Variants in AGO2 observed in about 807,000 individuals in gnomAD.
The protein encoded by AGO2 is argonaute RISC catalytic component 2.
AGO2 carries 5 observed loss-of-function variants against 102.3 expected under a neutral mutation model. The observed-to-expected ratio is 0.05, with a 90% CI of 0.03 to 0.10. The LOEUF (loss-of-function observed/expected upper bound fraction) is 0.10, where lower values mean the gene tolerates loss of function less well. Among genes scored for constraint, AGO2 ranks in the 10% least tolerant of loss-of-function variants. The probability of loss-of-function intolerance (pLI) is 1.00; values close to 1 mark genes in which losing one functional copy is unlikely to be tolerated. For missense variants in AGO2, 541 were observed against 1,183.7 expected (o/e 0.46, Z 7.97); for synonymous variants, 449 against 473.1 (o/e 0.95, Z 0.66).
rs916659201 is a variant in AGO2, at chr8:140,540,779, A to G, written c.2034+385T>C. On this transcript the variant is annotated intron_variant, in intron 15 of 18. Coordinates refer to ENST00000220592, the MANE Select transcript of AGO2 (RefSeq NM_012154.5). This position sits in a 1 kb window ranked among gnomAD's most constrained non-coding sequence, Gnocchi z 5.0. ...TCACACTGCAGACAGGCGTCCCCAG[A>G]CGCAATGAGCTCCCCGCCTCGCAGG... Among the ~76,000 whole-genome samples, 1 of 151,978 alleles carries G rather than the reference A, an allele frequency of 6.6e-6. No homozygotes were observed. The highest frequency in any genetic ancestry group is 1.5e-5 in the Non-Finnish European group (1 of 67,996).
intron 2 of AGO2, among the ~76,000 whole-genome samples, chr8:140,581,685 T>G (rs2073559986): frequency 6.6e-6 from 1 of 152,156 alleles, no homozygotes; most frequent in Non-Finnish European, 1.5e-5. Flanking sequence ...CTAAAAGATC[T>G]AGGAAGACCT....
intron 2 of AGO2, among the ~76,000 whole-genome samples, chr8:140,576,181 G>A (rs905195780): frequency 1.3e-5 from 2 of 152,176 alleles, no homozygotes; most frequent in Non-Finnish European, 2.9e-5. Flanking sequence ...GGGTGTAGTG[G>A]TGGGTACCTG....
At chr8:140,552,548 G>A (rs1332932961) in intron 10 of AGO2, among the ~76,000 whole-genome samples, 1 of 152,166 alleles carries the variant, frequency 6.6e-6, no homozygotes, top group Non-Finnish European at 1.5e-5. Flanking sequence ...CAAGCCTGCT[G>A]TAGAAATCAG....
intron 4 of AGO2, among the ~76,000 whole-genome samples, chr8:140,560,997 C>T (rs892102036): frequency 4.6e-5 from 7 of 152,242 alleles, no homozygotes; most frequent in African/African-American, 9.6e-5. Flanking sequence ...CAGCATCTGC[C>T]GGCTCCTTTA....
intron 1 of AGO2, among the ~76,000 whole-genome samples, chr8:140,616,016 G>GCC (rs1476869479): frequency 6.6e-6 from 1 of 152,188 alleles, no homozygotes; most frequent in Non-Finnish European, 1.5e-5. Flanking sequence ...TCATCAGCGA[G>GCC]CCCTAAGCCA....
At chr8:140,536,262 T>G (rs2072694720) in intron 16 of AGO2, among the ~76,000 whole-genome samples, 3 of 152,112 alleles carry the variant, frequency 2.0e-5, no homozygotes, top group African/African-American at 4.8e-5. Context: ...ATGAATGTTT[T>G]CTAGTTGTAC....
At chr8:140,543,616 C>T (rs1382488459) in intron 14 of AGO2, among the ~76,000 whole-genome samples, 1 of 152,168 alleles carries the variant, frequency 6.6e-6, no homozygotes, top group Non-Finnish European at 1.5e-5. Context: ...CCACCACCCC[C>T]AGCTATTTTT....
intron 8 of AGO2, 79 bp from the exon 9 acceptor site, chr8:140,556,365 G>A (rs2073094477): frequency 2.5e-6 from 4 of 1,572,544 alleles, no homozygotes; most frequent in Non-Finnish European, 3.5e-6. Flanking sequence ...TCAGGGGCTG[G>A]TGGCCTGGCT....
intron 1 of AGO2, among the ~76,000 whole-genome samples, chr8:140,615,472 A>T (rs1452319929): frequency 6.6e-6 from 1 of 152,192 alleles, no homozygotes; most frequent in Non-Finnish European, 1.5e-5. Context: ...CTCGCCCGGC[A>T]CACAGCCCGC....
chr8:140,635,986 C>A (rs1588525408), upstream of AGO2, among the ~76,000 whole-genome samples: 1 of 150,308 alleles, frequency 6.7e-6, no homozygotes, highest in Non-Finnish European at 1.5e-5. Context: ...CCGCGTCTTC[C>A]CGACGGGGAG....
Position 140,635,377 on chromosome 8 carries a change from G to T in AGO2, c.22+108C>A, listed in dbSNP as rs1251745411. 7.9e-5 allele frequency: 35 copies of T among 441,950 alleles called. No homozygotes were observed. The South Asian group carries it at 2.3e-3, about 29-fold the overall frequency. The allele number at this position is 441,950 out of a possible 1,614,324, so 27.4% of individuals were successfully genotyped here. ...GCCCGCCCCCGGCCCCCGCCGCCCC[G>T]ACCCCGCGGCCCCCCGATCCCCGGC... On this transcript the variant is annotated intron_variant, in intron 1 of 18. Coordinates refer to ENST00000220592, the MANE Select transcript of AGO2 (RefSeq NM_012154.5).
At chr8:140,533,354 A>C (rs1057328857) in intron 17 of AGO2, among the ~76,000 whole-genome samples, 20 of 148,018 alleles carry the variant, frequency 1.4e-4, no homozygotes, top group African/African-American at 5.0e-4. Context: ...GTGCCACTGC[A>C]CTCCAGCCTA....
At chr8:140,616,694 G>A (rs1371381655) in intron 1 of AGO2, among the ~76,000 whole-genome samples, 3 of 152,340 alleles carry the variant, frequency 2.0e-5, no homozygotes. Context: ...GCCTGGGTGG[G>A]AGTCCAGGGC....
intron 1 of AGO2, among the ~76,000 whole-genome samples, chr8:140,588,499 CAT>C (rs113510232): frequency 0.017 from 2,583 of 150,302 alleles, 55 homozygotes; most frequent in African/African-American, 0.058. Context: ...TAAGTGAGCA[CAT>C]GTTACTGGAA....
chr8:140,629,916 GGGAGGGGAGC>G (rs1286723863), intron 1 of AGO2, among the ~76,000 whole-genome samples: 7 of 148,706 alleles, frequency 4.7e-5, no homozygotes, highest in Non-Finnish European at 1.0e-4. Context: ...CGGAGGCGAG[GGGAGGGGAGC>G]GGAGGGGAGA....
chr8:140,554,615 G>GA (rs1408022770), intron 10 of AGO2, among the ~76,000 whole-genome samples: 7 of 152,082 alleles, frequency 4.6e-5, no homozygotes, highest in African/African-American at 1.2e-4. Flanking sequence ...TGAGAACTGG[G>GA]AAAAAAGATA....
At chr8:140,627,086 T>C (rs1308176286) in intron 1 of AGO2, among the ~76,000 whole-genome samples, 1 of 152,192 alleles carries the variant, frequency 6.6e-6, no homozygotes, top group East Asian at 1.9e-4. Context: ...AAGCAGGGGC[T>C]AAAGAACTCC....
At chr8:140,556,989 T>C in intron 8 of AGO2, 100 bp downstream of exon 8, 1 of 1,474,290 alleles carries the variant, frequency 6.8e-7, no homozygotes, top group Non-Finnish European at 9.2e-7. Context: ...GTGCCATTTG[T>C]ATCTGACTGG....
chr8:140,546,588 G>A (rs56737407), intron 13 of AGO2, among the ~76,000 whole-genome samples: 1,831 of 152,342 alleles, frequency 0.012, 36 homozygotes, highest in African/African-American at 0.042. Context: ...CAGTGATGCA[G>A]ATTTAGCGCA....
Sources: gnomAD v4.1 joint callset for allele counts (sites outside exome capture counted in the v4.1 genomes callset) on GRCh38, gnomAD v4.1.1 for gene constraint, Gnocchi (gnomAD v3.1) non-coding constraint, MANE v1.5 for transcripts, NCBI Gene and HGNC (gene_info 2026-07-23, HGNC 2026-07-21) for gene names.